The following DOK6 variants were observed in gnomAD, a reference collection of about 807,000 sequenced individuals.
DOK6 encodes docking protein 6.
In DOK6, 22 loss-of-function variants were observed where a neutral mutation model predicts 44.0. That is an observed-to-expected ratio of 0.50 (90% CI 0.36 to 0.71). DOK6 has a LOEUF of 0.71. Ranked by LOEUF, DOK6 falls within the 30% of genes least tolerant of loss-of-function variation. DOK6 has a pLI of 0.00. For missense variants in DOK6, 340 were observed against 416.4 expected (o/e 0.82, Z 1.60); for synonymous variants, 166 against 145.5 (o/e 1.14, Z -1.01).
intron 2 of DOK6, among the ~76,000 whole-genome samples, chr18:69,575,404 G>A (rs1056917382): frequency 1.3e-5 from 2 of 152,056 alleles, no homozygotes; most frequent in African/African-American, 4.8e-5. Flanking sequence ...GTTAAGGTAG[G>A]TGTATATCAA....
intron 1 of DOK6, among the ~76,000 whole-genome samples, chr18:69,421,529 C>T (rs904619216): frequency 5.9e-5 from 9 of 152,104 alleles, no homozygotes; most frequent in Admixed American, 3.3e-4. Flanking sequence ...TGCAAAATGC[C>T]AGGTGCATGG....
At chr18:69,550,384 A>C (rs1376714139) in intron 1 of DOK6, among the ~76,000 whole-genome samples, 3 of 152,194 alleles carry the variant, frequency 2.0e-5, no homozygotes, top group Admixed American at 6.5e-5. Flanking sequence ...AATAAAGCAA[A>C]ACTAAAACAA....
intron 1 of DOK6, among the ~76,000 whole-genome samples, chr18:69,440,024 G>A (rs748212457): frequency 6.6e-6 from 1 of 152,166 alleles, no homozygotes; most frequent in Non-Finnish European, 1.5e-5. Flanking sequence ...AGCAAGAGAT[G>A]TGCCACTCTT....
chr18:69,749,928 G>A (rs1979117351), intron 6 of DOK6, among the ~76,000 whole-genome samples: 1 of 146,780 alleles, frequency 6.8e-6, no homozygotes, highest in Non-Finnish European at 1.5e-5. Flanking sequence ...TGGCGACAGA[G>A]CGAGACTCCA....
intron 1 of DOK6, among the ~76,000 whole-genome samples, chr18:69,438,533 C>A (rs939401165): frequency 2.6e-5 from 4 of 152,158 alleles, no homozygotes; most frequent in African/African-American, 9.7e-5. Context: ...AAATCAGCTT[C>A]TTTCAAACTC....
At chr18:69,795,547 A>T (rs915377932) in intron 7 of DOK6, among the ~76,000 whole-genome samples, 1 of 152,184 alleles carries the variant, frequency 6.6e-6, no homozygotes, top group Non-Finnish European at 1.5e-5. Flanking sequence ...AGAAATCAAG[A>T]CAAAGATCTT....
chr18:69,501,745 T>C (rs1981055415), intron 1 of DOK6, among the ~76,000 whole-genome samples: 5 of 152,326 alleles, frequency 3.3e-5, no homozygotes, highest in South Asian at 2.1e-4. Flanking sequence ...TGTCAGTTCA[T>C]GTAATGATTC....
At chr18:69,590,519 C>T (rs1025470598) in intron 2 of DOK6, among the ~76,000 whole-genome samples, 4 of 152,056 alleles carry the variant, frequency 2.6e-5, no homozygotes, top group Non-Finnish European at 5.9e-5. Flanking sequence ...ACTTTGTATA[C>T]GGCTGGAACT....
chr18:69,522,486 G>C (rs1326346253), intron 1 of DOK6, among the ~76,000 whole-genome samples: 2 of 151,926 alleles, frequency 1.3e-5, no homozygotes, highest in Non-Finnish European at 2.9e-5. Context: ...TTAAATCTAT[G>C]CATATGGAGT....
At chr18:69,634,557 A>C (rs558591651) in intron 3 of DOK6, among the ~76,000 whole-genome samples, 118 of 152,328 alleles carry the variant, frequency 7.7e-4, no homozygotes, top group African/African-American at 2.8e-3. Context: ...TTTTCTGTGA[A>C]TTGAATACTG....
intron 4 of DOK6, among the ~76,000 whole-genome samples, chr18:69,691,221 AAATAAAT>A (rs1986258405): frequency 4.0e-5 from 6 of 151,376 alleles, no homozygotes; most frequent in African/African-American, 1.5e-4. Context: ...ATAAATAAAT[AAATAAAT>A]AAAAATATAG....
intron 6 of DOK6, 189 bp downstream of exon 6, chr18:69,739,292 G>A (rs1978723111): frequency 4.5e-6 from 3 of 672,102 alleles, no homozygotes; most frequent in Non-Finnish European, 6.8e-6. Context: ...AGTTATTGTG[G>A]CCACCAACTG....
At chr18:69,422,067 C>T (rs1033847467) in intron 1 of DOK6, among the ~76,000 whole-genome samples, 11 of 152,174 alleles carry the variant, frequency 7.2e-5, no homozygotes, top group Non-Finnish European at 1.6e-4. Flanking sequence ...TGTACCCTAA[C>T]GGTTTCCAGC....
intron 7 of DOK6, among the ~76,000 whole-genome samples, chr18:69,791,299 T>C (rs1980589219): frequency 1.3e-5 from 2 of 152,214 alleles, no homozygotes; most frequent in African/African-American, 4.8e-5. Context: ...ATGTGGTAGC[T>C]CTACTTTTGG....
At chr18:69,675,702 G>A (rs1055364811) in intron 3 of DOK6, among the ~76,000 whole-genome samples, 1 of 151,992 alleles carries the variant, frequency 6.6e-6, no homozygotes, top group African/African-American at 2.4e-5. Context: ...AATAATCATA[G>A]TGTCTCCCTT....
intron 3 of DOK6, among the ~76,000 whole-genome samples, chr18:69,645,286 C>T (rs1985043200): frequency 6.6e-6 from 1 of 152,294 alleles, no homozygotes; most frequent in East Asian, 1.9e-4. Flanking sequence ...CCAATCTTCC[C>T]AACTGCTGAC....
chr18:69,728,680 C>T (rs1978324956), intron 5 of DOK6, among the ~76,000 whole-genome samples: 1 of 151,884 alleles, frequency 6.6e-6, no homozygotes, highest in South Asian at 2.1e-4. Flanking sequence ...CCCCTTTACC[C>T]GAGTTCTGCT....
At chr18:69,717,488 A>G (rs1387831312) in intron 5 of DOK6, among the ~76,000 whole-genome samples, 1 of 152,212 alleles carries the variant, frequency 6.6e-6, no homozygotes, top group Non-Finnish European at 1.5e-5. Flanking sequence ...GATGAGGTCA[A>G]TAGATAAGGA....
chr18:69,604,691 A>G (rs776619564), intron 3 of DOK6, among the ~76,000 whole-genome samples: 9 of 152,204 alleles, frequency 5.9e-5, no homozygotes, highest in Non-Finnish European at 1.3e-4. Flanking sequence ...CTTGAAAATC[A>G]TAATCAAGAA....
Sources: gnomAD v4.1 joint callset for allele counts (sites outside exome capture counted in the v4.1 genomes callset) on GRCh38, gnomAD v4.1.1 for gene constraint, MANE v1.5 for transcripts, NCBI Gene and HGNC (gene_info 2026-07-23, HGNC 2026-07-21) for gene names.